NBEA: variants seen among roughly 807,000 people sequenced by gnomAD.
NBEA encodes neurobeachin.
Under a neutral mutation model 343.4 loss-of-function variants are expected in NBEA, and 44 were observed. The ratio of observed to expected loss-of-function variants is 0.13; its 90% CI spans 0.10 to 0.16. The LOEUF (loss-of-function observed/expected upper bound fraction) is 0.16, where lower values mean the gene tolerates loss of function less well. Ranked by LOEUF, NBEA falls within the 10% of genes least tolerant of loss-of-function variation. The pLI, the probability that NBEA is intolerant of heterozygous loss-of-function variation, is 1.00. For synonymous variants in NBEA, 1,175 were observed against 1,238.7 expected (o/e 0.95, Z 1.08); for missense variants, 2,555 against 3,631.3 (o/e 0.70, Z 7.62).
chr13:35,414,161 A>G (rs76801040), intron 38 of NBEA, among the ~76,000 whole-genome samples: 2,061 of 152,284 alleles, frequency 0.014, 41 homozygotes, highest in African/African-American at 0.048. Context: ...CTGACTAAAT[A>G]GGCATATCAT....
chr13:35,655,719 C>T lies in NBEA; in HGVS notation c.8332C>T (p.His2778Tyr), dbSNP rs750050489. ...GCTGCTCTGGTACTGGAGTGGGCGG[C>T]ACCATATCATAGGAGACAACCCTAA... ...TLLLWYWSGR[H>Y]HIIGDNPNSS... Residue 2778 changes from histidine to tyrosine, a missense_variant, in exon 55 of 59, where the codon CAC becomes TAC. Physicochemically the swap from His to Tyr is moderately conservative, Grantham distance 83 (BLOSUM62 2). This residue lies in a region of NBEA where 186 missense variants were observed against 328.9 expected (regional missense o/e 0.57). Transcript: ENST00000379939. 1 of 1,613,776 alleles carries T rather than the reference C, an allele frequency of 6.2e-7. No homozygotes were observed. Among genetic ancestry groups the T allele is most frequent in the South Asian group, 1.1e-5 (1 of 91,066 alleles).
chr13:34,951,900 T>G (rs1193480297), intron 1 of NBEA, among the ~76,000 whole-genome samples: 1 of 152,256 alleles, frequency 6.6e-6, no homozygotes, highest in Admixed American at 6.5e-5. Flanking sequence ...GATTAAAAAC[T>G]AATTTATGAC....
intron 1 of NBEA, among the ~76,000 whole-genome samples, chr13:34,985,648 G>C (rs2060517996): frequency 6.6e-6 from 1 of 150,878 alleles, no homozygotes; most frequent in Non-Finnish European, 1.5e-5. Context: ...GGTAGAATTT[G>C]GTTGTGAATC....
intron 1 of NBEA, among the ~76,000 whole-genome samples, chr13:34,957,062 C>A (rs2059520000): frequency 6.6e-6 from 1 of 150,748 alleles, no homozygotes; most frequent in South Asian, 2.1e-4. Flanking sequence ...CACATATATA[C>A]ATACATATGT....
At chr13:35,197,729 T>A (rs779882121) in intron 31 of NBEA, among the ~76,000 whole-genome samples, 4 of 152,094 alleles carry the variant, frequency 2.6e-5, no homozygotes, top group Non-Finnish European at 5.9e-5. Context: ...TCTTGAACTC[T>A]GACCTCATGA....
Position 35,182,376 on chromosome 13 carries a change from C to T in NBEA, c.4679C>T (p.Ala1560Val). 1 of 1,605,128 alleles carries T rather than the reference C, an allele frequency of 6.2e-7. No homozygotes were observed. The highest frequency in any genetic ancestry group is 8.5e-7 in the Non-Finnish European group (1 of 1,176,246). Reference sequence around the variant, plus strand: ...TTTTCATAGGATGATAGCAAACAAGCACAGTTCTTAGCTCTGGCTGTTGTT... The same window carrying T: ...TTTTCATAGGATGATAGCAAACAAGTACAGTTCTTAGCTCTGGCTGTTGTT... Reference protein sequence around the residue: ...VFRDVDDSKQAQFLALAVVYF... With the variant: ...VFRDVDDSKQVQFLALAVVYF... The change falls in exon 29 of 59, where the codon GCA becomes GTA. Residue 1560 changes from alanine (A) to valine (V), a missense_variant. Coordinates refer to ENST00000379939, the MANE Select transcript of NBEA (RefSeq NM_001385012.1).
chr13:35,068,001 G>T (rs1366871325), intron 8 of NBEA, among the ~76,000 whole-genome samples: 3 of 152,014 alleles, frequency 2.0e-5, no homozygotes, highest in African/African-American at 7.2e-5. Flanking sequence ...GCCTCTCAAA[G>T]TGCTAAGATT....
At chr13:34,946,952 AT>A (rs1439736871) in intron 1 of NBEA, among the ~76,000 whole-genome samples, 6 of 151,520 alleles carry the variant, frequency 4.0e-5, no homozygotes, top group African/African-American at 1.5e-4. Context: ...GATATTTAGA[AT>A]TTTACAAACA....
chr13:35,338,164 A>T (rs553221484), intron 36 of NBEA, among the ~76,000 whole-genome samples: 1 of 152,036 alleles, frequency 6.6e-6, no homozygotes, highest in South Asian at 2.1e-4. Flanking sequence ...AGCTTAATAA[A>T]ACCAAAAGTT....
chr13:34,967,194 C>T (rs118050901), intron 1 of NBEA, among the ~76,000 whole-genome samples: 6 of 151,834 alleles, frequency 4.0e-5, no homozygotes, highest in East Asian at 1.9e-4. Context: ...GGATTCTAAT[C>T]GTGTCTTTGC....
chr13:34,942,750 G>T lies in NBEA; in HGVS notation c.-71G>T. On this transcript the variant is annotated 5_prime_UTR_variant, in exon 1 of 59. Coordinates refer to ENST00000379939, the MANE Select transcript of NBEA (RefSeq NM_001385012.1). The stretch of plus-strand genomic sequence containing the variant: ...CCGAGGCGACGGCCGGGGGGCGGGG[G>T]CCGAGGCAGGTATAACGGTACCGGC... 2 of 1,212,996 alleles carry T rather than the reference G, an allele frequency of 1.6e-6. No individual in the cohort carries two copies. The highest frequency in any genetic ancestry group is 2.1e-6 in the Non-Finnish European group (2 of 963,910). The allele number at this position is 1,212,996 out of a possible 1,614,324, so 75.1% of individuals were successfully genotyped here. A position where few individuals can be genotyped will look rare whatever the true frequency, so the allele number is the denominator to read the frequency against.
chr13:35,488,645 A>G (rs1348223497), intron 41 of NBEA, among the ~76,000 whole-genome samples: 3 of 151,964 alleles, frequency 2.0e-5, no homozygotes, highest in African/African-American at 4.8e-5. Context: ...TGACAATAAC[A>G]AGAGTTTCTA....
chr13:35,669,991 G>C (rs935350319), intron 58 of NBEA, among the ~76,000 whole-genome samples: 2 of 151,700 alleles, frequency 1.3e-5, no homozygotes, highest in East Asian at 3.9e-4. Flanking sequence ...CTCAATGGAG[G>C]GGGGAAAGAT....
intron 17 of NBEA, among the ~76,000 whole-genome samples, chr13:35,126,728 G>A (rs2067150968): frequency 6.6e-6 from 1 of 152,024 alleles, no homozygotes; most frequent in African/African-American, 2.4e-5. Context: ...GACCAGCCTG[G>A]CCAACATGGT....
chr13:35,131,671 A>G (rs372747387), intron 17 of NBEA, among the ~76,000 whole-genome samples: 8 of 152,176 alleles, frequency 5.3e-5, no homozygotes, highest in Admixed American at 3.9e-4. Context: ...TTGACATCCT[A>G]TTGGGTAATA....
chr13:35,669,480 G>T (rs773665056), intron 58 of NBEA, among the ~76,000 whole-genome samples: 7 of 152,120 alleles, frequency 4.6e-5, no homozygotes, highest in Non-Finnish European at 1.0e-4. Context: ...CAGGAAAAAC[G>T]CTGTAAGCTA....
At chr13:35,309,725 CTTAA>C (rs1459069212) in intron 36 of NBEA, 133 bp downstream of exon 36, 3 of 562,342 alleles carry the variant, frequency 5.3e-6, no homozygotes, top group Admixed American at 3.8e-5. Flanking sequence ...CACACAGGTA[CTTAA>C]TTAATCTTTA....
intron 35 of NBEA, among the ~76,000 whole-genome samples, chr13:35,301,106 T>C (rs9593066): frequency 0.016 from 2,426 of 152,178 alleles, 56 homozygotes; most frequent in African/African-American, 0.055. Flanking sequence ...GTCTCTCATT[T>C]AGTAGGTGAA....
In NBEA at chr13:35,321,281, G is replaced by A. The variant is rs541919196; in HGVS notation, c.5903+11689G>A. Among the ~76,000 whole-genome samples the A allele has an allele frequency of 1.2e-4, 19 of 152,088 alleles. No individual in the cohort carries two copies. In the South Asian group the frequency reaches 3.9e-3, roughly 32 times the overall value. ...GACCTTCAGTTGAGGTTTTTGAGTG[G>A]GCGTCCTTTTTGTTGATGTGGATGC... On this transcript the variant is annotated intron_variant, in intron 36 of 58. Coordinates refer to ENST00000379939, the MANE Select transcript of NBEA (RefSeq NM_001385012.1).
Sources: gnomAD v4.1 joint callset for allele counts (sites outside exome capture counted in the v4.1 genomes callset) on GRCh38, gnomAD v4.1.1 for gene constraint, gnomAD v4.1.1 regional missense constraint, MANE v1.5 for transcripts, NCBI Gene and HGNC (gene_info 2026-07-23, HGNC 2026-07-21) for gene names.